The following C1GALT1 variants were observed in gnomAD, a reference collection of about 807,000 sequenced individuals.
C1GALT1 encodes the protein core 1 synthase, glycoprotein-N-acetylgalactosamine 3-beta-galactosyltransferase 1, also known as glycoprotein-N-acetylgalactosamine 3-beta-galactosyltransferase 1.
C1GALT1 carries 11 observed loss-of-function variants against 31.0 expected under a neutral mutation model. The observed-to-expected ratio is 0.36, with a 90% CI of 0.22 to 0.59. C1GALT1 has a LOEUF of 0.59. Among genes scored for constraint, C1GALT1 ranks in the 20% least tolerant of loss-of-function variants. The pLI is 0.79. For missense variants in C1GALT1, 424 were observed against 425.2 expected, an observed-to-expected ratio of 1.00 and a Z score of 0.03; for synonymous variants, 175 against 143.6, an observed-to-expected ratio of 1.22 and a Z score of -1.56.
At chr7:7,191,377 A>G (rs968886139) in intron 1 of C1GALT1, among the ~76,000 whole-genome samples, 6 of 152,076 alleles carry the variant, frequency 3.9e-5, no homozygotes, top group African/African-American at 1.4e-4. Context: ...TTGCTTGTTC[A>G]TTCATCCTCA....
chr7:7,238,269 A>T lies in C1GALT1; in HGVS notation c.235A>T (p.Ile79Phe), dbSNP rs760007297. The T allele has an allele frequency of 1.2e-6, 2 of 1,600,172 alleles. No homozygotes were observed. Among genetic ancestry groups the T allele is most frequent in the Admixed American group, 3.6e-5 (2 of 55,896 alleles). Reference protein sequence around the residue: ...SSQHKDENTDIAENLYQKVRI... With the variant: ...SSQHKDENTDFAENLYQKVRI... ...TTGTTTAATAGATGAGAACACAGAC[A>T]TTGCTGAAAACCTCTATCAGAAAGT... Residue 79 changes from isoleucine to phenylalanine, a missense_variant, in exon 3 of 4, where the codon ATT becomes TTT. By Grantham distance (21) the Ile-to-Phe change is conservative (BLOSUM62 0). This residue lies in a region of C1GALT1 where 189 missense variants were observed against 158.2 expected (regional missense o/e 1.19). Transcript: ENST00000436587. The surrounding 1 kb of genome is among the most constrained non-coding windows in gnomAD (Gnocchi z 5.2).
intron 1 of C1GALT1, among the ~76,000 whole-genome samples, chr7:7,229,540 T>C (rs11772919): frequency 0.2 from 30,247 of 152,114 alleles, 3,499 homozygotes; most frequent in East Asian, 0.54. Flanking sequence ...GAAGGACTTG[T>C]ATAATATCGA....
At chr7:7,204,096 T>TG (rs1479780424) in intron 1 of C1GALT1, among the ~76,000 whole-genome samples, 3 of 105,166 alleles carry the variant, frequency 2.9e-5, no homozygotes, top group East Asian at 1.2e-3. Flanking sequence ...CCTCCTCTTC[T>TG]GTTTTTTTTT....
intron 1 of C1GALT1, among the ~76,000 whole-genome samples, chr7:7,233,410 C>G (rs541977301): frequency 6.6e-6 from 1 of 152,180 alleles, no homozygotes; most frequent in African/African-American, 2.4e-5. Context: ...AAGTATTCAC[C>G]TTATTCTTCC....
chr7:7,192,975 G>A (rs138728158), intron 1 of C1GALT1, among the ~76,000 whole-genome samples: 2,640 of 152,046 alleles, frequency 0.017, 106 homozygotes, highest in East Asian at 0.16. Flanking sequence ...GTCTATTCAT[G>A]TCCTTAGCCC....
At chr7:7,168,546 A>T (rs1237450742) in intron 2 of C1GALT1, among the ~76,000 whole-genome samples, 1 of 152,256 alleles carries the variant, frequency 6.6e-6, no homozygotes, top group East Asian at 1.9e-4. Flanking sequence ...GATTACTTCC[A>T]GCAATCTTCT....
At chr7:7,233,332 T>G (rs1028426370) in intron 1 of C1GALT1, among the ~76,000 whole-genome samples, 1 of 152,138 alleles carries the variant, frequency 6.6e-6, no homozygotes, top group Non-Finnish European at 1.5e-5. Flanking sequence ...GGTGCAGTCT[T>G]GGCACACTGC....
At chr7:7,184,858 G>A (rs1460503359) in intron 1 of C1GALT1, among the ~76,000 whole-genome samples, 1 of 152,184 alleles carries the variant, frequency 6.6e-6, no homozygotes. Context: ...CTGAAAGAAA[G>A]GTATGACAAA....
chr7:7,191,352 G>A (rs1044640246), intron 1 of C1GALT1, among the ~76,000 whole-genome samples: 1 of 152,048 alleles, frequency 6.6e-6, no homozygotes, highest in South Asian at 2.1e-4. Context: ...CTATTCCATT[G>A]TATGTAAATA....
chr7:7,196,658 G>A (rs1440112304), intron 1 of C1GALT1, among the ~76,000 whole-genome samples: 3 of 152,170 alleles, frequency 2.0e-5, no homozygotes, highest in Non-Finnish European at 4.4e-5. Flanking sequence ...CACAATGGTT[G>A]AACTAGTTTA....
At chr7:7,177,125 A>C (rs1780512648) in intron 2 of C1GALT1, among the ~76,000 whole-genome samples, 1 of 152,256 alleles carries the variant, frequency 6.6e-6, no homozygotes, top group Non-Finnish European at 1.5e-5. Flanking sequence ...AGCTGAAAGC[A>C]AGAAAAAACC....
At chr7:7,176,935 T>C (rs11761684) in intron 2 of C1GALT1, among the ~76,000 whole-genome samples, 1 of 152,126 alleles carries the variant, frequency 6.6e-6, no homozygotes, top group Non-Finnish European at 1.5e-5. Context: ...GATCTTTGTT[T>C]CCTGGTGTCC....
chr7:7,239,665 G>A (rs1783532491), intron 3 of C1GALT1, among the ~76,000 whole-genome samples: 1 of 152,116 alleles, frequency 6.6e-6, no homozygotes, highest in Non-Finnish European at 1.5e-5. Flanking sequence ...ACATTCCTGA[G>A]AATTTTATCT....
At chr7:7,235,763 C>T (rs1002082037) in intron 2 of C1GALT1, among the ~76,000 whole-genome samples, 1 of 152,192 alleles carries the variant, frequency 6.6e-6, no homozygotes, top group Non-Finnish European at 1.5e-5. Flanking sequence ...CTCCTCTATT[C>T]TTTCTTTTAT....
At chr7:7,157,835 T>G (rs1780290119) in intron 2 of C1GALT1, among the ~76,000 whole-genome samples, 1 of 152,216 alleles carries the variant, frequency 6.6e-6, no homozygotes, top group Non-Finnish European at 1.5e-5. Flanking sequence ...ATTCCTTCAA[T>G]CAATGAGATC....
rs187611878 is a variant in C1GALT1 at position 7,237,396 on chromosome 7, G to C, written c.221-859G>C. ...TTTTACGCTCACTGCTTACTTAAAT[G>C]GACAGTTTTAAGTTTCAGTTTTAAG... On this transcript the variant is annotated intron_variant, in intron 2 of 3. Transcript: ENST00000436587. Among the ~76,000 whole-genome samples, 735 of 152,270 alleles carry C rather than the reference G, an allele frequency of 4.8e-3. 6 individuals are homozygous for C. The highest frequency in any genetic ancestry group is 0.017 in the African/African-American group (688 of 41,546).
At chr7:7,208,580 A>C (rs1217771001) in intron 1 of C1GALT1, among the ~76,000 whole-genome samples, 1 of 152,034 alleles carries the variant, frequency 6.6e-6, no homozygotes, top group African/African-American at 2.4e-5. Context: ...GGTTGGGGAG[A>C]GCACCAGCCT....
intron 1 of C1GALT1, 54 bp from the exon 2 acceptor site, chr7:7,234,249 G>A (rs1017760962): frequency 2.1e-5 from 27 of 1,316,230 alleles, no homozygotes; most frequent in African/African-American, 1.3e-4. Context: ...TTTTTACTCC[G>A]GTTATGTATA....
At chr7:7,217,639 A>G (rs1372744460) in intron 1 of C1GALT1, among the ~76,000 whole-genome samples, 4 of 152,252 alleles carry the variant, frequency 2.6e-5, no homozygotes, top group Non-Finnish European at 5.9e-5. Context: ...AGGTGTAGGC[A>G]TGATTTGAAA....
Sources: allele counts gnomAD v4.1 joint callset (sites outside exome capture counted in the v4.1 genomes callset), GRCh38; gene constraint gnomAD v4.1.1; regional missense constraint gnomAD v4.1.1; non-coding constraint Gnocchi (gnomAD v3.1); transcripts MANE v1.5; gene names NCBI Gene and HGNC (gene_info 2026-07-23, HGNC 2026-07-21).